The following TTC23 variants were observed in gnomAD, a reference collection of about 807,000 sequenced individuals.
TTC23 encodes tetratricopeptide repeat domain 23.
In TTC23, 58 loss-of-function variants were observed where a neutral mutation model predicts 55.1. The observed-to-expected ratio is 1.05, with a 90% confidence interval of 0.85 to 1.31. The LOEUF (loss-of-function observed/expected upper bound fraction) is 1.31. Among genes scored for constraint, TTC23 ranks in the 50% most tolerant of loss-of-function variants. The probability of loss-of-function intolerance (pLI) is 0.00; values close to 1 mark genes in which losing one functional copy is unlikely to be tolerated. For missense variants in TTC23, 516 were observed against 534.4 expected (o/e 0.97, Z 0.34); for synonymous variants, 203 against 199.9 (o/e 1.02, Z -0.13).
chr15:99,187,452 C>CAAAAAAAAAAAAAA lies in TTC23; in HGVS notation c.760-12311_760-12298dup, dbSNP rs66568931. ...GGAGATGTGATGCCAAAAGCACAAG[C>CAAAAAAAAAAAAAA]AAAAAAAAAAAAAAAACAAAACAAA... On this transcript the variant is annotated intron_variant, in intron 9 of 13. Transcript: ENST00000394132. Among the ~76,000 whole-genome samples, 353 of 44,276 alleles carry CAAAAAAAAAAAAAA rather than the reference C, an allele frequency of 8.0e-3. 9 individuals carry two copies. The highest frequency in any genetic ancestry group is 0.019 in the Middle Eastern group (1 of 52). 29.0% of individuals were successfully genotyped at this position (44,276 alleles called of 152,430 possible).
At chr15:99,149,676 C>T (rs1420828817) in intron 12 of TTC23, among the ~76,000 whole-genome samples, 1 of 152,234 alleles carries the variant, frequency 6.6e-6, no homozygotes, top group Non-Finnish European at 1.5e-5. Flanking sequence ...ATAAGAACAA[C>T]CTGCCCACAG....
In TTC23 at chr15:99,166,515, C is replaced by T. The variant is rs193300517; in HGVS notation, c.866-4648G>A. ...GTACGTGGACCTCCGGAAGAGGGAA[C>T]GGGTGTGAGGGAGGAAGGAAGGGAG... On this transcript the variant is annotated intron_variant, in intron 10 of 13. Transcript: ENST00000394132. Among the ~76,000 whole-genome samples, 394 of 152,140 alleles carry T rather than the reference C, an allele frequency of 2.6e-3. 8 individuals are homozygous for T. Among genetic ancestry groups the T allele is most frequent in the Admixed American group, 0.023 (349 of 15,276 alleles).
chr15:99,181,779 C>G (rs1254804208), intron 9 of TTC23, among the ~76,000 whole-genome samples: 1 of 152,128 alleles, frequency 6.6e-6, no homozygotes, highest in Non-Finnish European at 1.5e-5. Flanking sequence ...AAAGACGGAG[C>G]TGGGAATCCC....
intron 10 of TTC23, among the ~76,000 whole-genome samples, chr15:99,165,490 A>G (rs2071948230): frequency 1.3e-5 from 2 of 152,230 alleles, no homozygotes; most frequent in Admixed American, 1.3e-4. Context: ...CATCTGCATG[A>G]TTTACTCCAT....
At chr15:99,152,610 G>C (rs1303237701) in intron 12 of TTC23, among the ~76,000 whole-genome samples, 2 of 152,140 alleles carry the variant, frequency 1.3e-5, no homozygotes, top group African/African-American at 4.8e-5. Flanking sequence ...GACCTCAGGT[G>C]ATCTGCCCAG....
At position 99,138,123 on chromosome 15, in the gene TTC23, G is replaced by A. The variant is rs781906551; in HGVS notation, c.1231C>T (p.Pro411Ser). ...QQAMGMLSTAPKVASKPRQAS... is the reference protein window; with the variant it reads ...QQAMGMLSTASKVASKPRQAS... Reference sequence around the variant, plus strand: ...TGCCTTGGCTTCGAAGCAACCTTGGGGGCCCTGCAGACAAGCAGAGGGTGG... The same window carrying A: ...TGCCTTGGCTTCGAAGCAACCTTGGAGGCCCTGCAGACAAGCAGAGGGTGG... Residue 411 changes from proline (P) to serine (S), a missense_variant, in exon 14 of 14, where the codon CCC becomes TCC. Transcript: ENST00000394132. 7.4e-6 allele frequency: 12 copies of A among 1,612,290 alleles called. No homozygotes were observed. The highest frequency in any genetic ancestry group is 9.3e-6 in the Non-Finnish European group (11 of 1,179,976).
chr15:99,224,159 T>C (rs2078188811), intron 5 of TTC23, among the ~76,000 whole-genome samples: 1 of 152,220 alleles, frequency 6.6e-6, no homozygotes, highest in Non-Finnish European at 1.5e-5. Flanking sequence ...AGCTAAGGAA[T>C]ACATGCTCAC....
chr15:99,152,848 AG>A (rs1555497663), intron 12 of TTC23, among the ~76,000 whole-genome samples: 1 of 152,136 alleles, frequency 6.6e-6, no homozygotes. Context: ...CTCAGGGTGG[AG>A]TGCAGTGGCA....
At chr15:99,195,256 T>A (rs1051894969) in intron 9 of TTC23, among the ~76,000 whole-genome samples, 2 of 152,156 alleles carry the variant, frequency 1.3e-5, no homozygotes, top group Non-Finnish European at 2.9e-5. Flanking sequence ...ACAAATTGAT[T>A]TTAAAAATGG....
intron 9 of TTC23, among the ~76,000 whole-genome samples, chr15:99,184,503 T>C (rs2074477013): frequency 6.6e-6 from 1 of 152,244 alleles, no homozygotes; most frequent in Non-Finnish European, 1.5e-5. Context: ...CTATAAGGTT[T>C]AATTACTACC....
chr15:99,233,747 T>C (rs2079101887), intron 4 of TTC23, among the ~76,000 whole-genome samples: 5 of 152,186 alleles, frequency 3.3e-5, no homozygotes, highest in African/African-American at 1.2e-4. Flanking sequence ...AATGTGAAAT[T>C]TAGATTTAAA....
At chr15:99,139,964 A>G (rs782191419) in intron 12 of TTC23, 1 of 273,200 alleles carries the variant, frequency 3.7e-6, no homozygotes, top group Non-Finnish European at 7.2e-6. Flanking sequence ...GGCTAGGGCA[A>G]ATCAAGGAGA....
chr15:99,155,464 A>G (rs1555498692), intron 12 of TTC23: 1 of 152,238 alleles, frequency 6.6e-6, no homozygotes, highest in African/African-American at 2.4e-5. Flanking sequence ...AGAAAAATAA[A>G]CACGGAAGAA....
intron 12 of TTC23, chr15:99,145,400 G>A (rs1347989154): frequency 6.6e-6 from 1 of 152,172 alleles, no homozygotes; most frequent in South Asian, 2.1e-4. Flanking sequence ...AAAAGAAGAC[G>A]ACGGGGCTAT....
intron 1 of TTC23, among the ~76,000 whole-genome samples, chr15:99,245,820 C>CTTT (rs57795170): frequency 7.8e-5 from 11 of 141,044 alleles, no homozygotes; most frequent in African/African-American, 1.3e-4. Context: ...TCTTCATGAA[C>CTTT]TTTTTTTTTT....
At chr15:99,139,437 G>T (rs111331374) in intron 12 of TTC23, 38 bp from the exon 13 acceptor site, 3 of 1,613,572 alleles carry the variant, frequency 1.9e-6, no homozygotes, top group Non-Finnish European at 1.7e-6. Flanking sequence ...GGCTATGGAA[G>T]TGTCGCTGAG....
intron 12 of TTC23, among the ~76,000 whole-genome samples, chr15:99,150,096 C>T (rs1555496088): frequency 2.0e-5 from 3 of 152,212 alleles, no homozygotes; most frequent in African/African-American, 7.2e-5. Flanking sequence ...TCTGCGTTTT[C>T]CTCTCTCCTG....
chr15:99,187,459 A>AC (rs2074793059), intron 9 of TTC23, among the ~76,000 whole-genome samples: 1 of 142,572 alleles, frequency 7.0e-6, no homozygotes, highest in African/African-American at 2.7e-5. Context: ...AAGCAAAAAA[A>AC]AAAAAAAAAC....
chr15:99,188,779 G>A (rs918631935), intron 9 of TTC23, among the ~76,000 whole-genome samples: 2 of 152,046 alleles, frequency 1.3e-5, no homozygotes, highest in African/African-American at 4.8e-5. Flanking sequence ...TCATTCATTA[G>A]ATTGGAATTA....
Sources: gnomAD v4.1 joint callset for allele counts (sites outside exome capture counted in the v4.1 genomes callset) on GRCh38, gnomAD v4.1.1 for gene constraint, MANE v1.5 for transcripts, NCBI Gene and HGNC (gene_info 2026-07-23, HGNC 2026-07-21) for gene names.